Variants in PLXDC2 observed in about 807,000 individuals in gnomAD.
PLXDC2 encodes plexin domain-containing protein 2.
PLXDC2 carries 40 observed loss-of-function variants against 68.9 expected under a neutral mutation model. The ratio of observed to expected loss-of-function variants is 0.58; its 90% CI spans 0.45 to 0.76. PLXDC2 has a LOEUF of 0.76. PLXDC2 is among the 30% of genes least tolerant of loss of function. The pLI is 0.00. For missense variants in PLXDC2, 644 were observed against 661.9 expected (o/e 0.97, Z 0.30); for synonymous variants, 243 against 234.2 (o/e 1.04, Z -0.34).
chr10:19,972,966 G>C (rs1464822127), intron 1 of PLXDC2, among the ~76,000 whole-genome samples: 6 of 151,962 alleles, frequency 3.9e-5, no homozygotes, highest in Non-Finnish European at 8.8e-5. Context: ...TTGTATTTTT[G>C]CTAAAGGAAA....
chr10:19,953,367 T>C (rs962721501), intron 1 of PLXDC2, among the ~76,000 whole-genome samples: 1 of 152,134 alleles, frequency 6.6e-6, no homozygotes, highest in Non-Finnish European at 1.5e-5. Context: ...GGTAGAGCCA[T>C]TAGAACTTGC....
Position 20,217,765 on chromosome 10 carries a change from A to T in PLXDC2, c.1273+189A>T, listed in dbSNP as rs545408179. ...AAAAGACAAAATTATTATGAACTAA[A>T]AGTAAATGCTGGGATTCTTTTAATG... is the stretch of plus-strand genomic sequence containing the variant. On this transcript the variant is annotated intron_variant, in intron 11 of 13. Coordinates refer to ENST00000377252, the MANE Select transcript of PLXDC2 (RefSeq NM_032812.9). Among the ~76,000 whole-genome samples, 8 of 151,996 alleles carry T rather than the reference A, an allele frequency of 5.3e-5. No individual in the cohort carries two copies. The South Asian group carries it at 1.7e-3, about 32-fold the overall frequency.
At chr10:19,906,269 C>T (rs779943539) in intron 1 of PLXDC2, among the ~76,000 whole-genome samples, 7 of 152,044 alleles carry the variant, frequency 4.6e-5, no homozygotes, top group Non-Finnish European at 8.8e-5. Flanking sequence ...AAACAATTGG[C>T]ACTGAGTGAT....
chr10:20,220,008 G>A (rs558568588), intron 12 of PLXDC2, among the ~76,000 whole-genome samples: 8 of 152,178 alleles, frequency 5.3e-5, no homozygotes, highest in African/African-American at 1.9e-4. Flanking sequence ...TGCCTTTTTA[G>A]GCCATTGTTT....
At chr10:19,943,722 C>G (rs1347624617) in intron 1 of PLXDC2, among the ~76,000 whole-genome samples, 1 of 152,130 alleles carries the variant, frequency 6.6e-6, no homozygotes, top group Non-Finnish European at 1.5e-5. Context: ...GAAGTAGGAA[C>G]AGCCTTCTAA....
At chr10:20,111,204 A>G (rs1833556267) in intron 4 of PLXDC2, among the ~76,000 whole-genome samples, 1 of 152,138 alleles carries the variant, frequency 6.6e-6, no homozygotes, top group South Asian at 2.1e-4. Flanking sequence ...CATTGTACTC[A>G]CAATGGAATA....
At chr10:20,254,588 A>G (rs901129633) in intron 13 of PLXDC2, among the ~76,000 whole-genome samples, 1 of 152,188 alleles carries the variant, frequency 6.6e-6, no homozygotes, top group Admixed American at 6.5e-5. Flanking sequence ...TTTTATTTAT[A>G]TTTCTTAGCC....
At position 20,196,674 on chromosome 10, in the gene PLXDC2, A is replaced by G. The variant is rs550215779; in HGVS notation, c.1062-14995A>G. On this transcript the variant is annotated intron_variant, in intron 9 of 13. Coordinates refer to ENST00000377252, the MANE Select transcript of PLXDC2 (RefSeq NM_032812.9). Reference sequence around the variant, plus strand: ...TTCTAAAGTTCATGTTCCTTCCACTAAATAATGCAGCTTCAAGTTTTGCAG... The same window carrying G: ...TTCTAAAGTTCATGTTCCTTCCACTGAATAATGCAGCTTCAAGTTTTGCAG... Among the ~76,000 whole-genome samples the G allele has an allele frequency of 9.8e-5, 15 of 152,302 alleles. No homozygotes were observed. The East Asian group carries it at 2.5e-3, about 26-fold the overall frequency.
At chr10:20,150,671 T>G (rs911651217) in intron 6 of PLXDC2, among the ~76,000 whole-genome samples, 3 of 152,220 alleles carry the variant, frequency 2.0e-5, no homozygotes, top group Non-Finnish European at 4.4e-5. Flanking sequence ...GCAAGGTCAG[T>G]AAGTTTGGAG....
At chr10:20,213,116 A>G (rs1249504266) in intron 10 of PLXDC2, among the ~76,000 whole-genome samples, 1 of 152,114 alleles carries the variant, frequency 6.6e-6, no homozygotes, top group Non-Finnish European at 1.5e-5. Context: ...ATCTTCTTTT[A>G]GAAGAATTTT....
chr10:19,978,919 A>G (rs1834502378), intron 1 of PLXDC2, among the ~76,000 whole-genome samples: 1 of 152,216 alleles, frequency 6.6e-6, no homozygotes, highest in African/African-American at 2.4e-5. Flanking sequence ...ATCTGTGGAA[A>G]TGATGGAACA....
At chr10:20,162,047 AGAGAG>A (rs1834300474) in intron 6 of PLXDC2, among the ~76,000 whole-genome samples, 3 of 37,096 alleles carry the variant, frequency 8.1e-5, no homozygotes, top group African/African-American at 2.4e-4. Context: ...AAAGAAAGAG[AGAGAG>A]AGAGAGAGAG....
chr10:20,147,900 G>T lies in PLXDC2; in HGVS notation c.781G>T (p.Glu261Ter). Residue 261 changes from glutamate to a stop codon, truncating the protein, a stop_gained and splice_region_variant, in exon 6 of 14, where the codon GAA becomes TAA. Coordinates refer to ENST00000377252, the MANE Select transcript of PLXDC2 (RefSeq NM_032812.9). LOFTEE classifies it high-confidence loss of function. ...MDGRIIFGYK[E>*]IPVLVTQISS... ...TGGACGAATCATCTTTGGATACAAA[G>T]AAGTAAGTGATGCGTTGATAATTTC... is the stretch of plus-strand genomic sequence containing the variant. 1 of 1,589,282 alleles carries T rather than the reference G, an allele frequency of 6.3e-7. No homozygotes were observed. Among genetic ancestry groups the T allele is most frequent in the Non-Finnish European group, 8.6e-7 (1 of 1,157,670 alleles).
chr10:20,190,486 T>C (rs1027534438), intron 9 of PLXDC2, among the ~76,000 whole-genome samples: 5 of 151,808 alleles, frequency 3.3e-5, no homozygotes, highest in East Asian at 1.9e-4. Context: ...TTAGGAGATA[T>C]ACCTAATGTA....
chr10:19,842,903 C>T (rs1836935729), intron 1 of PLXDC2, among the ~76,000 whole-genome samples: 1 of 151,976 alleles, frequency 6.6e-6, no homozygotes, highest in Non-Finnish European at 1.5e-5. Flanking sequence ...ATGATGTAAA[C>T]AAATCTGACA....
At chr10:19,939,820 A>G (rs2131396846) in intron 1 of PLXDC2, among the ~76,000 whole-genome samples, 1 of 152,220 alleles carries the variant, frequency 6.6e-6, no homozygotes, top group East Asian at 1.9e-4. Context: ...GTTGGATGAC[A>G]TGTGACAAAT....
At chr10:19,837,310 G>C (rs1014138667) in intron 1 of PLXDC2, among the ~76,000 whole-genome samples, 4 of 151,830 alleles carry the variant, frequency 2.6e-5, no homozygotes, top group African/African-American at 4.8e-5. Flanking sequence ...TTATCAGTAG[G>C]TTATCTTTCA....
intron 1 of PLXDC2, among the ~76,000 whole-genome samples, chr10:19,973,314 A>AGTG (rs1554849843): frequency 7.3e-6 from 1 of 136,934 alleles, no homozygotes; most frequent in African/African-American, 2.7e-5. Context: ...ATATACTCAC[A>AGTG]TATATATGTA....
rs527438398 is a variant in PLXDC2 at position 20,127,923 on chromosome 10, C to T, written c.542-15372C>T. 1.1e-4 allele frequency among the ~76,000 whole-genome samples: 16 copies of T among 152,302 alleles called. No homozygotes were observed. In the South Asian group the frequency reaches 3.1e-3, roughly 30 times the overall value. On this transcript the variant is annotated intron_variant, in intron 4 of 13. Transcript: ENST00000377252. ...GGCAGAATAATGCATGAGCTTCCCT[C>T]TCTAGAGCAGAACAGAACCAGGATG...
Sources: allele counts gnomAD v4.1 joint callset (sites outside exome capture counted in the v4.1 genomes callset), GRCh38; gene constraint gnomAD v4.1.1; transcripts MANE v1.5; gene names NCBI Gene and HGNC (gene_info 2026-07-23, HGNC 2026-07-21).